The following FNDC3B variants were observed in gnomAD, a reference collection of about 807,000 sequenced individuals.
FNDC3B encodes fibronectin type III domain-containing protein 3B.
A neutral mutation model predicts 151.5 loss-of-function variants in FNDC3B; 12 were observed. The observed-to-expected ratio is 0.08, with a 90% CI of 0.05 to 0.13. The LOEUF is 0.13. FNDC3B is among the 10% of genes least tolerant of loss of function. The pLI, the probability that FNDC3B is intolerant of heterozygous loss-of-function variation, is 1.00. For missense variants in FNDC3B, 1,214 were observed against 1,505.3 expected (o/e 0.81, Z 3.20); for synonymous variants, 528 against 549.0 (o/e 0.96, Z 0.54).
chr3:172,270,290 A>G (rs917360635), intron 6 of FNDC3B, among the ~76,000 whole-genome samples: 2 of 152,250 alleles, frequency 1.3e-5, no homozygotes, highest in Non-Finnish European at 2.9e-5. Flanking sequence ...TTCTCTGCAC[A>G]GCAGCTGGGT....
chr3:172,155,620 C>G (rs1234586885), intron 3 of FNDC3B, among the ~76,000 whole-genome samples: 1 of 152,224 alleles, frequency 6.6e-6, no homozygotes, highest in Non-Finnish European at 1.5e-5. Flanking sequence ...AAGCCATTTT[C>G]TCCTATTGCT....
At chr3:172,147,262 G>A (rs1721960242) in intron 3 of FNDC3B, among the ~76,000 whole-genome samples, 2 of 149,284 alleles carry the variant, frequency 1.3e-5, no homozygotes. Flanking sequence ...AGCTGAGATT[G>A]CAACATTGTA....
intron 25 of FNDC3B, among the ~76,000 whole-genome samples, chr3:172,396,360 GA>G (rs1301833677): frequency 6.6e-6 from 1 of 152,118 alleles, no homozygotes; most frequent in Non-Finnish European, 1.5e-5. Flanking sequence ...ATCTTGAGGG[GA>G]TGCGTTTGTA....
rs5854462 is a variant in FNDC3B, at chr3:172,171,791, G to GAA, written c.187+38257_187+38258dup. ...ATTACTAATAAAAGGACTTTGAAAT[G>GAA]AAAAAAAAAAAAATCCAATAGTGGG... On this transcript the variant is annotated intron_variant, in intron 3 of 25. Transcript: ENST00000415807. 9.9e-3 allele frequency among the ~76,000 whole-genome samples: 1,408 copies of GAA among 142,618 alleles called. 31 individuals are homozygous for GAA. The highest frequency in any genetic ancestry group is 0.034 in the African/African-American group (1,338 of 39,120). The allele number at this position is 142,618 out of a possible 152,430, so 93.6% of individuals were successfully genotyped here. A position where few individuals can be genotyped will look rare whatever the true frequency, so the allele number is the denominator to read the frequency against.
At chr3:172,162,781 T>C (rs4435670) in intron 3 of FNDC3B, among the ~76,000 whole-genome samples, 113,625 of 151,852 alleles carry the variant, frequency 0.75, 44,049 homozygotes, top group African/African-American at 0.86. Context: ...TATGGTTAGC[T>C]ATGATATGGC....
At chr3:172,064,245 C>CTCTCA (rs1362527567) in intron 1 of FNDC3B, among the ~76,000 whole-genome samples, 1 of 152,148 alleles carries the variant, frequency 6.6e-6, no homozygotes, top group Admixed American at 6.5e-5. Context: ...AGGAAAGGAG[C>CTCTCA]CCTCACCAGA....
intron 8 of FNDC3B, among the ~76,000 whole-genome samples, chr3:172,295,793 G>A (rs892396194): frequency 2.0e-5 from 3 of 152,094 alleles, no homozygotes; most frequent in Non-Finnish European, 2.9e-5. Flanking sequence ...AATGTCTGTC[G>A]GCAAAAGGCG....
chr3:172,111,689 A>G (rs1719977037), intron 1 of FNDC3B, among the ~76,000 whole-genome samples: 1 of 152,134 alleles, frequency 6.6e-6, no homozygotes, highest in Admixed American at 6.5e-5. Flanking sequence ...GAGAATAAGT[A>G]TTTTATTTCT....
chr3:172,278,664 C>T (rs553069666), intron 6 of FNDC3B, among the ~76,000 whole-genome samples: 3 of 152,252 alleles, frequency 2.0e-5, no homozygotes, highest in South Asian at 2.1e-4. Flanking sequence ...TGGTGGCTCA[C>T]GCCTGTAATC....
intron 22 of FNDC3B, among the ~76,000 whole-genome samples, chr3:172,360,372 T>C (rs1734302346): frequency 6.6e-6 from 1 of 152,202 alleles, no homozygotes; most frequent in Non-Finnish European, 1.5e-5. Flanking sequence ...GATGTAATAT[T>C]GGCACATACA....
At chr3:172,238,216 T>C (rs1432372403) in intron 4 of FNDC3B, among the ~76,000 whole-genome samples, 1 of 152,218 alleles carries the variant, frequency 6.6e-6, no homozygotes, top group Non-Finnish European at 1.5e-5. Context: ...TCTTGCTCTG[T>C]CACCCAGGTG....
intron 25 of FNDC3B, among the ~76,000 whole-genome samples, 196 bp downstream of exon 25, chr3:172,381,289 A>G (rs1735424638): frequency 1.3e-5 from 2 of 152,192 alleles, no homozygotes; most frequent in African/African-American, 4.8e-5. Flanking sequence ...GGTGGTATTC[A>G]TCTTCAATTT....
At chr3:172,269,044 A>G (rs1729057663) in intron 6 of FNDC3B, among the ~76,000 whole-genome samples, 1 of 152,160 alleles carries the variant, frequency 6.6e-6, no homozygotes, top group Admixed American at 6.5e-5. Context: ...GAGCCATAGC[A>G]TTCGTGGAAA....
chr3:172,315,363 C>T lies in FNDC3B; in HGVS notation c.1254+4482C>T, dbSNP rs541108683. On this transcript the variant is annotated intron_variant, in intron 11 of 25. Coordinates refer to ENST00000415807, the MANE Select transcript of FNDC3B (RefSeq NM_022763.4). ...CTGCGCTCCAGCCTGGGCGACAGAG[C>T]GAGACTTGTCTCTGAAAAGAAAAAA... Among the ~76,000 whole-genome samples, 3 of 152,208 alleles carry T rather than the reference C, an allele frequency of 2.0e-5. No homozygotes were observed. The East Asian group carries it at 5.8e-4, about 29-fold the overall frequency.
At chr3:172,183,398 C>T (rs1724015887) in intron 3 of FNDC3B, among the ~76,000 whole-genome samples, 1 of 152,142 alleles carries the variant, frequency 6.6e-6, no homozygotes, top group Admixed American at 6.5e-5. Context: ...GTGTCATTAA[C>T]ATGATTTGCT....
intron 22 of FNDC3B, 78 bp downstream of exon 22, chr3:172,353,161 C>A: frequency 7.4e-7 from 1 of 1,344,462 alleles, no homozygotes; most frequent in Non-Finnish European, 1.0e-6. Context: ...GGAAAATGAC[C>A]AAGTGGATGT....
At chr3:172,131,424 A>T (rs567982926) in intron 2 of FNDC3B, among the ~76,000 whole-genome samples, 41 of 152,242 alleles carry the variant, frequency 2.7e-4, no homozygotes, top group Non-Finnish European at 5.4e-4. Flanking sequence ...AAATATTTTA[A>T]TCATTCTAGA....
At chr3:172,245,496 G>A (rs1261669300) in intron 4 of FNDC3B, among the ~76,000 whole-genome samples, 2 of 151,286 alleles carry the variant, frequency 1.3e-5, no homozygotes, top group Non-Finnish European at 2.9e-5. Context: ...GGGTGAGGAG[G>A]GAAATAAGAC....
At chr3:172,160,323 C>T (rs1487894537) in intron 3 of FNDC3B, among the ~76,000 whole-genome samples, 1 of 152,200 alleles carries the variant, frequency 6.6e-6, no homozygotes, top group Non-Finnish European at 1.5e-5. Flanking sequence ...GGAGCTGCCT[C>T]TTGTGCCTCC....
Sources: gnomAD v4.1 joint callset for allele counts (sites outside exome capture counted in the v4.1 genomes callset) on GRCh38, gnomAD v4.1.1 for gene constraint, MANE v1.5 for transcripts, NCBI Gene and HGNC (gene_info 2026-07-23, HGNC 2026-07-21) for gene names.